DGKG: variants seen among roughly 807,000 people sequenced by gnomAD.
DGKG encodes DAG kinase gamma.
DGKG carries 78 observed loss-of-function variants against 105.3 expected under a neutral mutation model. The observed-to-expected ratio is 0.74, with a 90% CI of 0.62 to 0.89. The LOEUF is 0.89. Among genes scored for constraint, DGKG ranks in the 40% least tolerant of loss-of-function variants. The pLI is 0.00. For missense variants in DGKG, 958 were observed against 1,020.1 expected (o/e 0.94, Z 0.83); for synonymous variants, 346 against 367.1 (o/e 0.94, Z 0.66).
intron 22 of DGKG, among the ~76,000 whole-genome samples, chr3:186,186,017 G>C (rs1717612690): frequency 6.9e-6 from 1 of 144,326 alleles, no homozygotes; most frequent in African/African-American, 2.6e-5. Flanking sequence ...AGAATCACTT[G>C]AACCTGGGAG....
rs191400937 is a variant in DGKG at position 186,249,582 on chromosome 3, C to T, written c.1761+2177G>A. Among the ~76,000 whole-genome samples, 416 of 152,296 alleles carry T rather than the reference C, an allele frequency of 2.7e-3. 1 individual carries two copies. Among genetic ancestry groups the T allele is most frequent in the African/African-American group, 9.1e-3 (377 of 41,558 alleles). On this transcript the variant is annotated intron_variant, in intron 19 of 24. Transcript: ENST00000265022. Reference sequence around the variant, plus strand: ...CTAGGCTGGGCATGGTGGCTCACGCCGGTAATCCCAGCACTTTGGGAGGCT... The same window carrying T: ...CTAGGCTGGGCATGGTGGCTCACGCTGGTAATCCCAGCACTTTGGGAGGCT...
chr3:186,221,972 A>C (rs57665395), intron 20 of DGKG, among the ~76,000 whole-genome samples: 4,632 of 152,274 alleles, frequency 0.03, 223 homozygotes, highest in African/African-American at 0.11. Context: ...TCTGACCTGC[A>C]CTGGCTGCTT....
chr3:186,176,696 T>C (rs1717096491), intron 22 of DGKG, among the ~76,000 whole-genome samples: 1 of 152,202 alleles, frequency 6.6e-6, no homozygotes, highest in Non-Finnish European at 1.5e-5. Context: ...ATCTATAAAA[T>C]ATTCCTCGGG....
intron 21 of DGKG, among the ~76,000 whole-genome samples, chr3:186,196,437 C>A (rs190267262): frequency 1.4e-3 from 220 of 152,306 alleles, no homozygotes; most frequent in Non-Finnish European, 6.2e-4. Context: ...CTGCGCCCAG[C>A]CTTTTTCTCT....
Position 186,250,864 on chromosome 3 carries a change from T to TA in DGKG, c.1761+894dup, listed in dbSNP as rs796348625. Among the ~76,000 whole-genome samples, 43 of 152,148 alleles carry TA rather than the reference T, an allele frequency of 2.8e-4. 1 individual carries two copies. The highest frequency in any genetic ancestry group is 9.9e-4 in the African/African-American group (41 of 41,496). On this transcript the variant is annotated intron_variant, in intron 19 of 24. Transcript: ENST00000265022. ...CGTGCCTGACCAATTCTGTCATTCT[T>TA]AAAAAAAGTAAATACTAGTGTCTTT...
At chr3:186,246,390 G>A (rs899274429) in intron 19 of DGKG, among the ~76,000 whole-genome samples, 67 of 152,248 alleles carry the variant, frequency 4.4e-4, no homozygotes, top group African/African-American at 1.5e-3. Context: ...GAAAAGTATT[G>A]TATATTTTAT....
At chr3:186,248,877 C>T (rs958937079) in intron 19 of DGKG, among the ~76,000 whole-genome samples, 1 of 152,164 alleles carries the variant, frequency 6.6e-6, no homozygotes, top group Non-Finnish European at 1.5e-5. Flanking sequence ...ATGGATAATG[C>T]CTGCCTCCAC....
chr3:186,150,173 TGTGA>T lies in DGKG; in HGVS notation c.2289_2292del (p.His764ArgfsTer6), dbSNP rs753257914. ...CCCATCATCATGGGCGCTTGGTTCTTGTGAGTAATTTTAATCTAAAAGCAAAGAG... is the reference window on the plus strand; with the variant it reads ...CCCATCATCATGGGCGCTTGGTTCTTGTAATTTTAATCTAAAAGCAAAGAG... On this transcript the variant is annotated frameshift_variant, in exon 25 of 25. Transcript: ENST00000265022. LOFTEE classifies it high-confidence loss of function. 1.9e-6 allele frequency: 3 copies of T among 1,612,324 alleles called. No homozygotes were observed. The highest frequency in any genetic ancestry group is 1.3e-5 in the African/African-American group (1 of 74,808).
chr3:186,170,801 C>T (rs2108485606), intron 22 of DGKG, among the ~76,000 whole-genome samples: 1 of 152,224 alleles, frequency 6.6e-6, no homozygotes, highest in South Asian at 2.1e-4. Context: ...ACAAGAGTCC[C>T]TAGGCCGTAA....
chr3:186,358,336 A>T (rs569358351), intron 1 of DGKG, among the ~76,000 whole-genome samples: 18 of 152,228 alleles, frequency 1.2e-4, no homozygotes, highest in Non-Finnish European at 2.1e-4. Flanking sequence ...TCCCTGAAGG[A>T]TGTTTCCGGA....
Position 186,149,639 on chromosome 3 carries a change from C to A in DGKG, c.*451G>T. 3 of 988,722 alleles carry A rather than the reference C, an allele frequency of 3.0e-6. No homozygotes were observed. Among genetic ancestry groups the A allele is most frequent in the Non-Finnish European group, 3.6e-6 (3 of 831,778 alleles). The allele number at this position is 988,722 out of a possible 1,614,324, so 61.2% of individuals were successfully genotyped here. A position where few individuals can be genotyped will look rare whatever the true frequency, so the allele number is the denominator to read the frequency against. ...GTCTCTGTACAGAGGGAACTTTGTG[C>A]AAATTCTCTGGAACCAGAGCTCCTT... On this transcript the variant is annotated 3_prime_UTR_variant, in exon 25 of 25. Transcript: ENST00000265022.
intron 1 of DGKG, among the ~76,000 whole-genome samples, chr3:186,322,543 A>G (rs1379135613): frequency 2.6e-5 from 4 of 152,140 alleles, no homozygotes; most frequent in Admixed American, 2.6e-4. Flanking sequence ...ATTTACCCAT[A>G]TAACAAACCT....
chr3:186,240,015 T>C (rs1428789719), intron 20 of DGKG, among the ~76,000 whole-genome samples: 1 of 152,088 alleles, frequency 6.6e-6, no homozygotes, highest in Non-Finnish European at 1.5e-5. Flanking sequence ...TTTTGGCATA[T>C]GGAGAAATTT....
chr3:186,153,920 C>T (rs925340989), intron 24 of DGKG, among the ~76,000 whole-genome samples: 4 of 152,118 alleles, frequency 2.6e-5, no homozygotes, highest in Admixed American at 2.0e-4. Context: ...GCCTGGGGAA[C>T]ATGGTGAAAC....
At chr3:186,357,826 T>C (rs556184768) in intron 1 of DGKG, among the ~76,000 whole-genome samples, 59 of 152,342 alleles carry the variant, frequency 3.9e-4, no homozygotes, top group African/African-American at 1.3e-3. Flanking sequence ...ACAGTCCAGT[T>C]AAACTTTTTG....
At chr3:186,251,646 G>A (rs548651518) in intron 19 of DGKG, 113 bp downstream of exon 19, 20 of 1,218,172 alleles carry the variant, frequency 1.6e-5, no homozygotes, top group Non-Finnish European at 2.2e-5. Context: ...ACTCAGGGCT[G>A]GGGGGGCAGG....
rs957245528 is a variant in DGKG at position 186,149,108 on chromosome 3, G to A, written c.*982C>T. The A allele has an allele frequency of 1.3e-4, 129 of 984,878 alleles. No homozygotes were observed. Among genetic ancestry groups the A allele is most frequent in the Non-Finnish European group, 1.5e-4 (125 of 829,790 alleles). 61.0% of individuals were successfully genotyped at this position (984,878 alleles called of 1,614,324 possible). On this transcript the variant is annotated 3_prime_UTR_variant, in exon 25 of 25. Coordinates refer to ENST00000265022, the MANE Select transcript of DGKG (RefSeq NM_001346.3). Reference sequence around the variant, plus strand: ...GAGTGCAAAGAAGCAGGAGGGAACCGTCTCCTGGTTTCCCCAGCAAAGTTC... The same window carrying A: ...GAGTGCAAAGAAGCAGGAGGGAACCATCTCCTGGTTTCCCCAGCAAAGTTC...
chr3:186,177,973 A>G (rs762671840), intron 22 of DGKG, among the ~76,000 whole-genome samples: 1 of 152,184 alleles, frequency 6.6e-6, no homozygotes, highest in Non-Finnish European at 1.5e-5. Context: ...TAGGAACATA[A>G]TCATATTATG....
At chr3:186,234,942 C>CT (rs1205585808) in intron 20 of DGKG, among the ~76,000 whole-genome samples, 5 of 152,026 alleles carry the variant, frequency 3.3e-5, no homozygotes, top group East Asian at 1.9e-4. Flanking sequence ...TGGTTGCTCC[C>CT]TTTTTTCTGC....
Sources: gnomAD v4.1 joint callset for allele counts (sites outside exome capture counted in the v4.1 genomes callset) on GRCh38, gnomAD v4.1.1 for gene constraint, MANE v1.5 for transcripts, NCBI Gene and HGNC (gene_info 2026-07-23, HGNC 2026-07-21) for gene names.